Variants in SOX5 observed in about 807,000 individuals in gnomAD.
The protein encoded by SOX5 is transcription factor SOX-5.
SOX5 carries 9 observed loss-of-function variants against 92.0 expected under a neutral mutation model. The observed-to-expected ratio is 0.10, with a 90% confidence interval of 0.06 to 0.17. The LOEUF is 0.17. SOX5 is among the 10% of genes least tolerant of loss of function. The probability of loss-of-function intolerance (pLI) is 1.00; values close to 1 mark genes in which losing one functional copy is unlikely to be tolerated. For missense variants in SOX5, 642 were observed against 944.5 expected (o/e 0.68, Z 4.20); for synonymous variants, 344 against 336.3 (o/e 1.02, Z -0.25).
intron 2 of SOX5, among the ~76,000 whole-genome samples, chr12:23,850,944 T>G (rs193197483): frequency 2.0e-5 from 3 of 152,180 alleles, no homozygotes; most frequent in Admixed American, 6.6e-5. Flanking sequence ...CCCTAGGAAA[T>G]TCGCTATGAA....
chr12:24,267,658 G>A (rs1943190233), intron 3 of SOX5, among the ~76,000 whole-genome samples: 1 of 151,974 alleles, frequency 6.6e-6, no homozygotes, highest in African/African-American at 2.4e-5. Context: ...TTCTTGTTAG[G>A]ACAACTTCTT....
intron 3 of SOX5, among the ~76,000 whole-genome samples, chr12:24,218,096 C>A (rs902481330): frequency 5.3e-5 from 8 of 152,090 alleles, no homozygotes; most frequent in Non-Finnish European, 1.0e-4. Flanking sequence ...ATAGAGTTAC[C>A]AAAATGACCC....
At chr12:24,210,073 A>T (rs1202363227) in intron 4 of SOX5, among the ~76,000 whole-genome samples, 1 of 151,816 alleles carries the variant, frequency 6.6e-6, no homozygotes, top group Non-Finnish European at 1.5e-5. Flanking sequence ...CCAAGTATCA[A>T]TAATATCTAC....
chr12:23,942,093 A>T (rs74724088), intron 1 of SOX5, among the ~76,000 whole-genome samples: 63 of 151,960 alleles, frequency 4.1e-4, no homozygotes, highest in Middle Eastern at 3.4e-3. Context: ...CAATTAGAAT[A>T]AAAGTGTTTT....
intron 4 of SOX5, among the ~76,000 whole-genome samples, chr12:24,117,783 G>A (rs1013350706): frequency 6.6e-6 from 1 of 152,048 alleles, no homozygotes; most frequent in African/African-American, 2.4e-5. Flanking sequence ...CCTTTGGGAG[G>A]CCGAGGTGGG....
At chr12:23,673,654 T>C (rs1309549922) in intron 6 of SOX5, among the ~76,000 whole-genome samples, 2 of 152,156 alleles carry the variant, frequency 1.3e-5, no homozygotes, top group African/African-American at 4.8e-5. Flanking sequence ...AGATTATCAG[T>C]TATTTTTCCC....
At chr12:23,643,421 G>A (rs1040962198) in intron 7 of SOX5, among the ~76,000 whole-genome samples, 1 of 152,156 alleles carries the variant, frequency 6.6e-6, no homozygotes, top group African/African-American at 2.4e-5. Context: ...CCAGGTTGAG[G>A]TATTTATTAG....
At chr12:24,201,166 T>G (rs184762053) in intron 4 of SOX5, among the ~76,000 whole-genome samples, 1 of 152,322 alleles carries the variant, frequency 6.6e-6, no homozygotes, top group Non-Finnish European at 1.5e-5. Context: ...TTAAATCATT[T>G]ACTTTCATAC....
At chr12:24,240,457 T>C (rs972793107) in intron 3 of SOX5, among the ~76,000 whole-genome samples, 1 of 152,204 alleles carries the variant, frequency 6.6e-6, no homozygotes, top group African/African-American at 2.4e-5. Context: ...AATTTGGCTA[T>C]GCTGTATCTT....
At chr12:24,240,927 A>C (rs991163241) in intron 3 of SOX5, among the ~76,000 whole-genome samples, 15 of 152,346 alleles carry the variant, frequency 9.8e-5, no homozygotes, top group African/African-American at 3.6e-4. Context: ...AATAATGTGT[A>C]ACTCAAATAT....
intron 1 of SOX5, among the ~76,000 whole-genome samples, chr12:24,411,634 C>A (rs78510325): frequency 1.2e-4 from 18 of 152,206 alleles, no homozygotes; most frequent in Non-Finnish European, 2.5e-4. Context: ...ACTGAGCCAG[C>A]CTTGAATCCC....
chr12:23,708,185 T>C (rs1345205130), intron 6 of SOX5, among the ~76,000 whole-genome samples: 3 of 151,542 alleles, frequency 2.0e-5, no homozygotes, highest in Non-Finnish European at 4.4e-5. Context: ...GGGAACTATT[T>C]TTTTTTTTTC....
intron 4 of SOX5, among the ~76,000 whole-genome samples, chr12:23,990,133 T>A (rs1026502800): frequency 6.6e-6 from 1 of 152,030 alleles, no homozygotes; most frequent in Non-Finnish European, 1.5e-5. Context: ...TTTGACAAAT[T>A]AAGACCAAAA....
intron 4 of SOX5, among the ~76,000 whole-genome samples, chr12:24,043,387 C>T (rs927451251): frequency 6.6e-6 from 1 of 152,172 alleles, no homozygotes; most frequent in Non-Finnish European, 1.5e-5. Context: ...TTGTGTTCAA[C>T]TATTTTGTAT....
intron 4 of SOX5, among the ~76,000 whole-genome samples, chr12:24,148,848 C>A (rs1464107129): frequency 6.7e-6 from 1 of 149,468 alleles, no homozygotes; most frequent in Non-Finnish European, 1.5e-5. Flanking sequence ...TATGATCACA[C>A]CATTGCACCA....
intron 9 of SOX5, among the ~76,000 whole-genome samples, chr12:23,601,604 A>G (rs1029951609): frequency 1.1e-4 from 16 of 152,218 alleles, no homozygotes; most frequent in African/African-American, 3.6e-4. Context: ...TTGCTTAAAA[A>G]CATAAATATG....
upstream of SOX5, among the ~76,000 whole-genome samples, chr12:23,954,641 T>G (rs1175731520): frequency 6.6e-6 from 1 of 152,018 alleles, no homozygotes; most frequent in East Asian, 1.9e-4. Context: ...ATCTTCTTTT[T>G]TAAAGACCTA....
At chr12:23,831,131 C>T (rs925919001) in intron 3 of SOX5, among the ~76,000 whole-genome samples, 9 of 151,958 alleles carry the variant, frequency 5.9e-5, no homozygotes, top group African/African-American at 2.2e-4. Flanking sequence ...TAGGTCAAAA[C>T]ATTTGTAAGA....
intron 3 of SOX5, among the ~76,000 whole-genome samples, chr12:24,269,042 A>C (rs1224678056): frequency 6.6e-6 from 1 of 152,344 alleles, no homozygotes. Context: ...TGTCGGGATA[A>C]ATGCCTTAAA....
Sources: allele counts gnomAD v4.1 joint callset (sites outside exome capture counted in the v4.1 genomes callset), GRCh38; gene constraint gnomAD v4.1.1; transcripts MANE v1.5; gene names NCBI Gene and HGNC (gene_info 2026-07-23, HGNC 2026-07-21).